GRIN1: variants seen among roughly 807,000 people sequenced by gnomAD.
GRIN1 encodes the protein glutamate receptor ionotropic, NMDA 1.
GRIN1 carries 38 observed loss-of-function variants against 103.0 expected under a neutral mutation model. That is an observed-to-expected ratio of 0.37 (90% CI 0.28 to 0.48). GRIN1 has a LOEUF of 0.48. Ranked by LOEUF, GRIN1 falls within the 20% of genes least tolerant of loss-of-function variation. The pLI is 0.98. For synonymous variants in GRIN1, 544 were observed against 532.7 expected (o/e 1.02, Z -0.29); for missense variants, 577 against 1,288.9 (o/e 0.45, Z 8.46).
rs1564357201 is a variant in GRIN1, at chr9:137,156,656, G to T, written c.672-13G>T. ...GCTGGAGTCCTGGCCCGTCATCCCCGTCTGCCCCACAGCGAGGACGATGCT... is the reference window on the plus strand; with the variant it reads ...GCTGGAGTCCTGGCCCGTCATCCCCTTCTGCCCCACAGCGAGGACGATGCT... On this transcript the variant is annotated splice_polypyrimidine_tract_variant and intron_variant, in intron 4 of 19. Transcript: ENST00000371561. 6.3e-7 allele frequency: 1 copy of T among 1,599,420 alleles called. No homozygotes were observed. Among genetic ancestry groups the T allele is most frequent in the Non-Finnish European group, 8.5e-7 (1 of 1,174,706 alleles).
intron 1 of GRIN1, among the ~76,000 whole-genome samples, chr9:137,141,181 G>A (rs751685958): frequency 9.9e-5 from 15 of 152,186 alleles, no homozygotes; most frequent in Non-Finnish European, 2.1e-4. Flanking sequence ...CTGCCACGTG[G>A]GGCCATGCAG....
intron 9 of GRIN1, 41 bp downstream of exon 9, chr9:137,161,238 C>CGGGGCGT (rs752136625): frequency 1.2e-6 from 2 of 1,609,010 alleles, no homozygotes; most frequent in East Asian, 2.2e-5. Flanking sequence ...GGGCAGGGCG[C>CGGGGCGT]GGGGCGTGGG....
intron 19 of GRIN1, among the ~76,000 whole-genome samples, chr9:137,166,009 C>T (rs1044294708): frequency 1.3e-5 from 2 of 152,160 alleles, no homozygotes; most frequent in Non-Finnish European, 2.9e-5. Context: ...AAAGGGGTGG[C>T]TCCCACCCCA....
intron 4 of GRIN1, among the ~76,000 whole-genome samples, chr9:137,155,266 G>A (rs1833150014): frequency 6.6e-6 from 1 of 152,166 alleles, no homozygotes; most frequent in East Asian, 1.9e-4. Flanking sequence ...CTTTGATAGC[G>A]GGCATGCTGT....
Position 137,146,238 on chromosome 9 carries a change from C to T in GRIN1, c.570+336C>T, listed in dbSNP as rs1832522694. On this transcript the variant is annotated intron_variant, in intron 3 of 19. Transcript: ENST00000371561. The surrounding 1 kb of genome is among the most constrained non-coding windows in gnomAD (Gnocchi z 6.7). The stretch of plus-strand genomic sequence containing the variant: ...CCCCAGCCGGGCTTGGGACTCGTCA[C>T]CCTTCCCGCCCACCCTGTCCTGAGT... 6.6e-6 allele frequency among the ~76,000 whole-genome samples: 1 copy of T among 151,926 alleles called. No individual in the cohort carries two copies. The highest frequency in any genetic ancestry group is 1.5e-5 in the Non-Finnish European group (1 of 67,964).
intron 2 of GRIN1, among the ~76,000 whole-genome samples, chr9:137,144,728 G>A (rs55866835): frequency 0.079 from 8,247 of 105,054 alleles, 370 homozygotes; most frequent in East Asian, 0.11. Flanking sequence ...GTGTCCCCAG[G>A]GGTGTGGGGA....
intron 18 of GRIN1, chr9:137,164,818 C>T: frequency 6.1e-6 from 2 of 328,724 alleles, no homozygotes; most frequent in Non-Finnish European, 1.2e-5. Context: ...GGGTCAGTGG[C>T]CTCCACGCAG....
chr9:137,145,332 G>T (rs1422309157), intron 2 of GRIN1, among the ~76,000 whole-genome samples: 2 of 124,370 alleles, frequency 1.6e-5, no homozygotes, highest in Admixed American at 1.5e-4. Context: ...AGAGGAAGGG[G>T]GTCCCAGGGT....
Position 137,152,216 on chromosome 9 carries a change from T to C in GRIN1, c.671+3107T>C, listed in dbSNP as rs557048908. 3.9e-3 allele frequency among the ~76,000 whole-genome samples: 594 copies of C among 152,308 alleles called. 3 individuals are homozygous for C. The highest frequency in any genetic ancestry group is 0.014 in the African/African-American group (564 of 41,554). On this transcript the variant is annotated intron_variant, in intron 4 of 19. Transcript: ENST00000371561. ...CCACCGTGCCCAGCCACTTGTGGCC[T>C]CTTCTGTTATTTTCTGAATTGTTTA...
Position 137,167,539 on chromosome 9 carries a change from CG to C in GRIN1, c.*13del. 1 of 1,527,448 alleles carries C rather than the reference CG, an allele frequency of 6.5e-7. No homozygotes were observed. Among genetic ancestry groups the C allele is most frequent in the Non-Finnish European group, 8.9e-7 (1 of 1,125,970 alleles). 94.6% of individuals were successfully genotyped at this position (1,527,448 alleles called of 1,614,324 possible). On this transcript the variant is annotated 3_prime_UTR_variant, in exon 20 of 20. Transcript: ENST00000371561. ...ATAGGGAGAGCTGAGACTCCCCGCC[CG>C]CCCTCCTCTGCCCCCTCCCCCGCAG...
In GRIN1 at chr9:137,145,710, C is replaced by A; in HGVS notation, c.394-16C>A. The stretch of plus-strand genomic sequence containing the variant: ...CGCGGGTCCACCTCAGCCCGCCGTG[C>A]CCCCGCCTCCCGCAGAGCATCCACC... On this transcript the variant is annotated splice_polypyrimidine_tract_variant and intron_variant, in intron 2 of 19. Coordinates refer to ENST00000371561, the MANE Select transcript of GRIN1 (RefSeq NM_007327.4). The A allele has an allele frequency of 6.2e-7, 1 of 1,608,436 alleles. No homozygotes were observed. The highest frequency in any genetic ancestry group is 8.5e-7 in the Non-Finnish European group (1 of 1,176,544).
Position 137,149,053 on chromosome 9 carries a change from G to A in GRIN1, c.615G>A (p.Thr205=), listed in dbSNP as rs770695987. Residue 205 remains threonine, a synonymous_variant, in exon 4 of 20, where the codon ACG becomes ACA. Transcript: ENST00000371561. ...TTGACCCAGGGACCAAGAACGTGAC[G>A]GCCCTGCTGATGGAGGCGAAAGAGC... ...LQFDPGTKNV[T]ALLMEAKELE... 25 of 1,613,682 alleles carry A rather than the reference G, an allele frequency of 1.5e-5. 1 individual carries two copies. Among genetic ancestry groups the A allele is most frequent in the East Asian group, 1.3e-4 (6 of 44,880 alleles).
intron 2 of GRIN1, among the ~76,000 whole-genome samples, chr9:137,144,153 G>A (rs1171361346): frequency 1.3e-5 from 2 of 152,200 alleles, no homozygotes; most frequent in Non-Finnish European, 1.5e-5. Context: ...TGGGCTGCAG[G>A]GGAAGAGGTG....
chr9:137,142,116 T>C lies in GRIN1; in HGVS notation c.362T>C (p.Leu121Pro). 1.2e-6 allele frequency: 2 copies of C among 1,614,218 alleles called. No homozygotes were observed. Among genetic ancestry groups the C allele is most frequent in the Non-Finnish European group, 1.7e-6 (2 of 1,180,032 alleles). ...AGFYRIPVLG[L>P]TTRMSIYSDK... ...TTCTACCGCATACCCGTGCTGGGGC[T>C]GACCACCCGCATGTCCATCTACTCG... is the stretch of plus-strand genomic sequence containing the variant. Residue 121 changes from leucine (L) to proline (P), a missense_variant, in exon 2 of 20, where the codon CTG becomes CCG. Leu to Pro is a moderately conservative substitution (Grantham distance 98). This residue lies in a region of GRIN1 where 308 missense variants were observed against 553.6 expected (regional missense o/e 0.56). Transcript: ENST00000371561.
At chr9:137,147,646 C>G (rs1313373906) in intron 3 of GRIN1, among the ~76,000 whole-genome samples, 1 of 152,264 alleles carries the variant, frequency 6.6e-6, no homozygotes, top group African/African-American at 2.4e-5. Context: ...CCCTCTTGGG[C>G]GCATATGCGA....
At chr9:137,148,110 C>T (rs1832651670) in intron 3 of GRIN1, 1 of 1,284,142 alleles carries the variant, frequency 7.8e-7, no homozygotes, top group African/African-American at 1.5e-5. Context: ...TTATAATCTT[C>T]TTCTGTGTCT....
At chr9:137,150,728 G>GT (rs1417859538) in intron 4 of GRIN1, among the ~76,000 whole-genome samples, 2 of 104,280 alleles carry the variant, frequency 1.9e-5, no homozygotes, top group Non-Finnish European at 3.8e-5. Flanking sequence ...CCAGATAAAA[G>GT]CCCGCCCAGG....
chr9:137,164,034 G>T, intron 18 of GRIN1, 130 bp downstream of exon 18: 1 of 1,142,944 alleles, frequency 8.7e-7, no homozygotes, highest in East Asian at 2.5e-5. Context: ...CCATGGCCAG[G>T]GGCAGTGGTG....
intron 3 of GRIN1, among the ~76,000 whole-genome samples, chr9:137,147,186 C>T (rs1832589360): frequency 6.6e-6 from 1 of 152,086 alleles, no homozygotes; most frequent in Admixed American, 6.5e-5. Flanking sequence ...TGCATGCACA[C>T]ATTCCCATCA....
Sources: allele counts gnomAD v4.1 joint callset (sites outside exome capture counted in the v4.1 genomes callset), GRCh38; gene constraint gnomAD v4.1.1; regional missense constraint gnomAD v4.1.1; non-coding constraint Gnocchi (gnomAD v3.1); transcripts MANE v1.5; gene names NCBI Gene and HGNC (gene_info 2026-07-23, HGNC 2026-07-21).